ZNF100: variants seen among roughly 807,000 people sequenced by gnomAD.
ZNF100 encodes zinc finger protein 100 (Y1).
Under a neutral mutation model 15.8 loss-of-function variants are expected in ZNF100, and 12 were observed. The observed-to-expected ratio is 0.76, with a 90% CI of 0.49 to 1.23. The LOEUF (loss-of-function observed/expected upper bound fraction) is 1.23. Among genes scored for constraint, ZNF100 ranks in the 50% most tolerant of loss-of-function variants. ZNF100 has a pLI of 0.00. For synonymous variants in ZNF100, 226 were observed against 214.8 expected, an observed-to-expected ratio of 1.05 and a Z score of -0.45; for missense variants, 670 against 635.6, an observed-to-expected ratio of 1.05 and a Z score of -0.58.
intron 3 of ZNF100, 114 bp from the exon 4 acceptor site, chr19:21,744,229 CTAAT>C (rs1720835063): frequency 2.1e-6 from 2 of 962,468 alleles, no homozygotes; most frequent in South Asian, 3.3e-5. Flanking sequence ...TCCTAACGTA[CTAAT>C]TAATGAGAGA....
Position 21,725,855 on chromosome 19 carries a change from T to A in ZNF100, c.*828A>T, listed in dbSNP as rs2145676004. The A allele has an allele frequency of 6.7e-6, 1 of 148,360 alleles. No homozygotes were observed. The highest frequency in any genetic ancestry group is 2.0e-4 in the East Asian group (1 of 5,122). The allele number at this position is 148,360 out of a possible 1,614,324, so 9.2% of individuals were successfully genotyped here. On this transcript the variant is annotated 3_prime_UTR_variant, in exon 5 of 5. Coordinates refer to ENST00000358296, the MANE Select transcript of ZNF100 (RefSeq NM_173531.4). ...GTGCCTTACATATTTCTACTGTAAA[T>A]TCTCTGATATTTACAGACTTAATGA...
chr19:21,726,939 T>C lies in ZNF100; in HGVS notation c.1373A>G (p.Lys458Arg), dbSNP rs753431110. 1 of 1,611,202 alleles carries C rather than the reference T, an allele frequency of 6.2e-7. No individual in the cohort carries two copies. The highest frequency in any genetic ancestry group is 8.5e-7 in the Non-Finnish European group (1 of 1,179,012). The change falls in exon 5 of 5, where the codon AAA (lysine) becomes AGA (arginine). Residue 458 changes from lysine to arginine, a missense_variant. Lys to Arg is a conservative substitution (Grantham distance 26). Transcript: ENST00000358296. The part of the protein sequence containing the change: ...KMIHTGEKPY[K>R]CDECGKAFNR... ...AAAGGCTTTGCCACATTCGTCACAT[T>C]TGTAGGGTTTCTCTCCAGTATGAAT...
chr19:21,753,119 T>C (rs528377145), intron 2 of ZNF100: 2 of 152,368 alleles, frequency 1.3e-5, no homozygotes, highest in East Asian at 3.9e-4. Context: ...GGTGTGGTGG[T>C]GCACACCTGA....
At position 21,723,222 on chromosome 19, in the gene ZNF100, T is replaced by A. The variant is rs1599608473; in HGVS notation, c.*3461A>T. 1.3e-5 allele frequency: 2 copies of A among 150,760 alleles called. No individual in the cohort carries two copies. The highest frequency in any genetic ancestry group is 1.9e-4 in the East Asian group (1 of 5,154). The allele number at this position is 150,760 out of a possible 1,614,324, so 9.3% of individuals were successfully genotyped here. ...AAAAAAAAAAAAATTCAGCCAGATGTGGTGGCAGGTGCCTGTAATCCCAGC... is the reference window on the plus strand; with the variant it reads ...AAAAAAAAAAAAATTCAGCCAGATGAGGTGGCAGGTGCCTGTAATCCCAGC... On this transcript the variant is annotated 3_prime_UTR_variant, in exon 5 of 5. Coordinates refer to ENST00000358296, the MANE Select transcript of ZNF100 (RefSeq NM_173531.4).
Position 21,744,043 on chromosome 19 carries a change from C to G in ZNF100, c.296G>C (p.Arg99Thr), listed in dbSNP as rs1285548810. Residue 99 changes from arginine to threonine, a missense_variant, in exon 4 of 5, where the codon AGA (arginine) becomes ACA (threonine). Coordinates refer to ENST00000358296, the MANE Select transcript of ZNF100 (RefSeq NM_173531.4). Reference sequence around the variant, plus strand: ...TGGGGGTTTGGCTACCATCTCATGTCTCTTTATATTCCAGGGCTCTTTTCC... The same window carrying G: ...TGGGGGTTTGGCTACCATCTCATGTGTCTTTATATTCCAGGGCTCTTTTCC... ...EQGKEPWNIKRHEMVAKPPVI... is the reference protein window; with the variant it reads ...EQGKEPWNIKTHEMVAKPPVI... 38 of 1,612,728 alleles carry G rather than the reference C, an allele frequency of 2.4e-5. No homozygotes were observed. The highest frequency in any genetic ancestry group is 3.1e-5 in the Non-Finnish European group (37 of 1,179,586).
chr19:21,740,273 A>G (rs2036084681), intron 4 of ZNF100, among the ~76,000 whole-genome samples: 1 of 152,256 alleles, frequency 6.6e-6, no homozygotes. Flanking sequence ...GTCAACACTG[A>G]TAAAGTTGGA....
At chr19:21,767,289 G>A (rs1182583577) in intron 1 of ZNF100, 138 bp downstream of exon 1, 3 of 1,455,926 alleles carry the variant, frequency 2.1e-6, no homozygotes, top group Non-Finnish European at 9.5e-7. Flanking sequence ...TATGGCCGAA[G>A]GGGACGGAGG....
chr19:21,733,511 AAAAC>A lies in ZNF100; in HGVS notation c.323-5526_323-5523del, dbSNP rs755979308. Among the ~76,000 whole-genome samples the A allele has an allele frequency of 1.1e-4, 16 of 149,732 alleles. No homozygotes were observed. The East Asian group carries it at 2.5e-3, about 24-fold the overall frequency. On this transcript the variant is annotated intron_variant, in intron 4 of 4. Transcript: ENST00000358296. Reference sequence around the variant, plus strand: ...AATCAAAGCAAGTCACAACAAAATTAAAACAAACAAAAATTAAGGTAGTAACACA... The same window carrying A: ...AATCAAAGCAAGTCACAACAAAATTAAAACAAAAATTAAGGTAGTAACACA...
At position 21,727,157 on chromosome 19, in the gene ZNF100, G is replaced by C. The variant is rs2035812267; in HGVS notation, c.1155C>G (p.Phe385Leu). 1.9e-6 allele frequency: 3 copies of C among 1,611,886 alleles called. No homozygotes were observed. Among genetic ancestry groups the C allele is most frequent in the South Asian group, 2.2e-5 (2 of 90,980 alleles). The stretch of plus-strand genomic sequence containing the variant: ...TTGTCTTATGTTTAGTAAGGTATGA[G>C]AATCGGTAAAAAGCTTTGCCACATT... Reference protein sequence around the residue: ...CEECGKAFYRFSYLTKHKTSH... With the variant: ...CEECGKAFYRLSYLTKHKTSH... Residue 385 changes from phenylalanine (F) to leucine (L), a missense_variant, in exon 5 of 5, where the codon TTC becomes TTG. Coordinates refer to ENST00000358296, the MANE Select transcript of ZNF100 (RefSeq NM_173531.4).
intron 4 of ZNF100, among the ~76,000 whole-genome samples, chr19:21,741,682 C>CT (rs980426388): frequency 1.4e-3 from 209 of 146,054 alleles, no homozygotes; most frequent in Middle Eastern, 3.6e-3. Context: ...GCATGTAAAA[C>CT]TTTTTTTTTT....
intron 2 of ZNF100, chr19:21,751,436 T>C: frequency 1.2e-6 from 1 of 841,448 alleles, no homozygotes; most frequent in East Asian, 2.4e-5. Flanking sequence ...TCATACTCTT[T>C]TTAGTGCTGC....
chr19:21,728,016 C>A lies in ZNF100; in HGVS notation c.323-27G>T, dbSNP rs1330410958. 12 of 1,471,934 alleles carry A rather than the reference C, an allele frequency of 8.2e-6. No homozygotes were observed. In the East Asian group the frequency reaches 2.9e-4, roughly 35 times the overall value. 91.2% of individuals were successfully genotyped at this position (1,471,934 alleles called of 1,614,324 possible). On this transcript the variant is annotated intron_variant, in intron 4 of 4. Coordinates refer to ENST00000358296, the MANE Select transcript of ZNF100 (RefSeq NM_173531.4). ...TGAAAGAAATAAAAATAACAAATTACTTTACTTACTAGACACAGATAGTTT... is the reference window on the plus strand; with the variant it reads ...TGAAAGAAATAAAAATAACAAATTAATTTACTTACTAGACACAGATAGTTT...
At chr19:21,764,576 G>T (rs988734490) in intron 2 of ZNF100, among the ~76,000 whole-genome samples, 1 of 151,914 alleles carries the variant, frequency 6.6e-6, no homozygotes, top group Admixed American at 6.6e-5. Context: ...GGAGGCGGAG[G>T]TTGCAGTGAG....
chr19:21,758,760 G>C (rs1599405783), intron 2 of ZNF100, among the ~76,000 whole-genome samples: 1 of 152,134 alleles, frequency 6.6e-6, no homozygotes, highest in African/African-American at 2.4e-5. Context: ...GTTTGTGAGT[G>C]GATCAGAATC....
intron 2 of ZNF100, among the ~76,000 whole-genome samples, chr19:21,758,540 T>C (rs551983280): frequency 6.6e-6 from 1 of 152,322 alleles, no homozygotes; most frequent in East Asian, 1.9e-4. Context: ...GAGAAGATTA[T>C]GAACAGGTAG....
At chr19:21,738,058 C>A (rs1263111408) in intron 4 of ZNF100, among the ~76,000 whole-genome samples, 1 of 151,902 alleles carries the variant, frequency 6.6e-6, no homozygotes, top group Non-Finnish European at 1.5e-5. Flanking sequence ...CAAGACCAGC[C>A]TGGCCAACAT....
At chr19:21,730,028 C>A (rs879415601) in intron 4 of ZNF100, among the ~76,000 whole-genome samples, 2 of 151,364 alleles carry the variant, frequency 1.3e-5, no homozygotes, top group Non-Finnish European at 3.0e-5. Flanking sequence ...TAAAAAGATA[C>A]AAAGACAGAG....
In ZNF100 at chr19:21,743,648, T is replaced by C. The variant is rs570361665; in HGVS notation, c.322+369A>G. ...ATGATGAAAAAAGAGAACTAAAAAA[T>C]AGTTTAACATAGAGTTTCCCAAAAT... On this transcript the variant is annotated intron_variant, in intron 4 of 4. Transcript: ENST00000358296. 3.3e-5 allele frequency among the ~76,000 whole-genome samples: 5 copies of C among 152,174 alleles called. No homozygotes were observed. In the East Asian group the frequency reaches 7.7e-4, roughly 24 times the overall value.
intron 4 of ZNF100, among the ~76,000 whole-genome samples, chr19:21,737,512 G>A (rs1318903932): frequency 6.6e-6 from 1 of 151,292 alleles, no homozygotes; most frequent in African/African-American, 2.4e-5. Flanking sequence ...TCCAGCCTGG[G>A]GGACAAGAGT....
Sources: gnomAD v4.1 joint callset for allele counts (sites outside exome capture counted in the v4.1 genomes callset) on GRCh38, gnomAD v4.1.1 for gene constraint, MANE v1.5 for transcripts, NCBI Gene and HGNC (gene_info 2026-07-23, HGNC 2026-07-21) for gene names.